C8orf58: variants seen among roughly 807,000 people sequenced by gnomAD.
The protein encoded by C8orf58 is chromosome 8 open reading frame 58.
C8orf58 carries 31 observed loss-of-function variants against 36.8 expected under a neutral mutation model. The ratio of observed to expected loss-of-function variants is 0.84; its 90% CI spans 0.63 to 1.14. The LOEUF is 1.14. Ranked by LOEUF, C8orf58 falls within the 50% of genes most tolerant of loss-of-function variation. C8orf58 has a pLI of 0.00. For missense variants in C8orf58, 538 were observed against 480.8 expected, an observed-to-expected ratio of 1.12 and a Z score of -1.11; for synonymous variants, 230 against 200.2, an observed-to-expected ratio of 1.15 and a Z score of -1.26.
chr8:22,601,337 G>A lies in C8orf58; in HGVS notation c.496G>A (p.Ala166Thr), dbSNP rs754088109. 9 of 1,586,838 alleles carry A rather than the reference G, an allele frequency of 5.7e-6. No homozygotes were observed. The South Asian group carries it at 1.0e-4, about 18-fold the overall frequency. Residue 166 changes from alanine (A) to threonine (T), a missense_variant, in exon 2 of 7, where the codon GCA (alanine) becomes ACA (threonine). Transcript: ENST00000289989. Reference sequence around the variant, plus strand: ...CATGGAGGCAGACACAGACCTAGAGGCAGGCCTGGAAGAAGAGGCGGTGAG... The same window carrying A: ...CATGGAGGCAGACACAGACCTAGAGACAGGCCTGGAAGAAGAGGCGGTGAG... ...ESMEADTDLE[A>T]GLEEEAVGGL...
At position 22,600,965 on chromosome 8, in the gene C8orf58, G is replaced by A. The variant is rs897036841; in HGVS notation, c.124G>A (p.Gly42Arg). 3.1e-6 allele frequency: 5 copies of A among 1,612,564 alleles called. No individual in the cohort carries two copies. The highest frequency in any genetic ancestry group is 2.2e-5 in the South Asian group (2 of 91,072). The part of the protein sequence containing the change: ...TYRRIPDAAH[G>R]CSSWERGDKF... Reference sequence around the variant, plus strand: ...CAGACGGATCCCCGACGCTGCCCACGGGTGCTCATCCTGGGAGAGAGGTGA... The same window carrying A: ...CAGACGGATCCCCGACGCTGCCCACAGGTGCTCATCCTGGGAGAGAGGTGA... Residue 42 changes from glycine to arginine, a missense_variant, in exon 2 of 7, where the codon GGG (glycine) becomes AGG (arginine). Physicochemically the swap from Gly to Arg is moderately radical, Grantham distance 125. Coordinates refer to ENST00000289989, the MANE Select transcript of C8orf58 (RefSeq NM_001013842.3).
At position 22,601,832 on chromosome 8, in the gene C8orf58, C is replaced by T. The variant is rs370351540; in HGVS notation, c.637C>T (p.Arg213Trp). 5.9e-5 allele frequency: 95 copies of T among 1,610,092 alleles called. No homozygotes were observed. Among genetic ancestry groups the T allele is most frequent in the Admixed American group, 1.0e-4 (6 of 59,558 alleles). ...ARLQQLYLQLRIQRPPGDPGE... is the reference protein window; with the variant it reads ...ARLQQLYLQLWIQRPPGDPGE... ...GCTCCAGCAGCTCTACCTGCAGCTG[C>T]GGATCCAGAGGCCCCCAGGGGTGAG... Residue 213 changes from arginine to tryptophan, a missense_variant, in exon 3 of 7, where the codon CGG (arginine) becomes TGG (tryptophan). Transcript: ENST00000289989.
At chr8:22,599,921 G>C in intron 1 of C8orf58, 161 bp downstream of exon 1, 1 of 375,762 alleles carries the variant, frequency 2.7e-6, no homozygotes, top group Non-Finnish European at 4.7e-6. Context: ...TGGAGGGGCG[G>C]TCATCAGGGG....
intron 6 of C8orf58, chr8:22,602,933 A>G: frequency 1.7e-6 from 1 of 588,806 alleles, no homozygotes; most frequent in Non-Finnish European, 3.0e-6. Flanking sequence ...CTCACCCTCA[A>G]TGCTGACATT....
rs1195782244 is a variant in C8orf58 at position 22,601,083 on chromosome 8, C to T, written c.242C>T (p.Ala81Val). ...VEMAVGDSPL[A>V]ALPGLSQDSL... ...ATGGCAGTTGGGGACAGCCCCCTGG[C>T]CGCCTTACCGGGCCTTTCTCAGGAC... is the stretch of plus-strand genomic sequence containing the variant. Residue 81 changes from alanine (A) to valine (V), a missense_variant, in exon 2 of 7, where the codon GCC becomes GTC. Ala to Val is a moderately conservative substitution (Grantham distance 64). Transcript: ENST00000289989. The T allele has an allele frequency of 6.2e-7, 1 of 1,612,668 alleles. No homozygotes were observed. Among genetic ancestry groups the T allele is most frequent in the South Asian group, 1.1e-5 (1 of 91,070 alleles).
Position 22,602,277 on chromosome 8 carries a change from C to G in C8orf58, c.844C>G (p.Pro282Ala), listed in dbSNP as rs1009481489. Residue 282 changes from proline to alanine, a missense_variant, in exon 5 of 7, where the codon CCA becomes GCA. Transcript: ENST00000289989. ...CAGGCTGCCAGAAACCCCAGTGGAG[C>G]CAACGTACCACTTGCCATCCTCCCA... ...PPRLPETPVEPTYHLPSSQGH... is the reference protein window; with the variant it reads ...PPRLPETPVEATYHLPSSQGH... 2.5e-6 allele frequency: 4 copies of G among 1,607,580 alleles called. No homozygotes were observed. The highest frequency in any genetic ancestry group is 2.7e-5 in the African/African-American group (2 of 74,660).
In C8orf58 at chr8:22,603,271, A is replaced by C; in HGVS notation, c.1063A>C (p.Lys355Gln). The change falls in exon 7 of 7, where the codon AAG (lysine) becomes CAG (glutamine). Residue 355 changes from lysine to glutamine, a missense_variant. Coordinates refer to ENST00000289989, the MANE Select transcript of C8orf58 (RefSeq NM_001013842.3). ...RKTFMPSLVV[K>Q]KQRAKNLSVG ...GACCTTTATGCCATCATTAGTGGTT[A>C]AGAAGCAACGAGCAAAAAACCTTTC... 1 of 1,614,000 alleles carries C rather than the reference A, an allele frequency of 6.2e-7. No homozygotes were observed.
In C8orf58 at chr8:22,601,101, C is replaced by A. The variant is rs778663501; in HGVS notation, c.260C>A (p.Ser87Tyr). ...CCCCTGGCCGCCTTACCGGGCCTTT[C>A]TCAGGACTCCCTGGACTTTGAATCC... ...DSPLAALPGL[S>Y]QDSLDFESSG... Residue 87 changes from serine (S) to tyrosine (Y), a missense_variant, in exon 2 of 7, where the codon TCT (serine) becomes TAT (tyrosine). Coordinates refer to ENST00000289989, the MANE Select transcript of C8orf58 (RefSeq NM_001013842.3). The A allele has an allele frequency of 6.2e-7, 1 of 1,612,428 alleles. No homozygotes were observed. The highest frequency in any genetic ancestry group is 1.7e-5 in the Admixed American group (1 of 59,998).
chr8:22,602,644 G>T lies in C8orf58; in HGVS notation c.986+1G>T. 6.5e-7 allele frequency: 1 copy of T among 1,528,630 alleles called. No homozygotes were observed. The highest frequency in any genetic ancestry group is 1.3e-5 in the South Asian group (1 of 79,510). 94.7% of individuals were successfully genotyped at this position (1,528,630 alleles called of 1,614,324 possible). A position where few individuals can be genotyped will look rare whatever the true frequency, so the allele number is the denominator to read the frequency against. On this transcript the variant is annotated splice_donor_variant, in intron 6 of 6. Transcript: ENST00000289989. LOFTEE classifies it high-confidence loss of function. ...CCCCTCCTGATGGCTCTGACCCCAG[G>T]TGAGCCCCGTGCCCAGCCCAGGTTA...
At position 22,599,658 on chromosome 8, in the gene C8orf58, C is replaced by G. The variant is rs978793632; in HGVS notation, c.-63C>G. On this transcript the variant is annotated 5_prime_UTR_variant, in exon 1 of 7. Transcript: ENST00000289989. Reference sequence around the variant, plus strand: ...CGCTCCCTGAGCTGCCCGAGCTCCGCGGGGACTCGGGCCGGGATCCTCGGG... The same window carrying G: ...CGCTCCCTGAGCTGCCCGAGCTCCGGGGGGACTCGGGCCGGGATCCTCGGG... 2.8e-5 allele frequency: 27 copies of G among 961,714 alleles called. No homozygotes were observed. The highest frequency in any genetic ancestry group is 3.8e-4 in the Middle Eastern group (1 of 2,638). 59.6% of individuals were successfully genotyped at this position (961,714 alleles called of 1,614,324 possible).
chr8:22,602,307 C>G lies in C8orf58; in HGVS notation c.874C>G (p.His292Asp). Residue 292 changes from histidine (H) to aspartate (D), a missense_variant, in exon 5 of 7, where the codon CAC (histidine) becomes GAC (aspartate). Coordinates refer to ENST00000289989, the MANE Select transcript of C8orf58 (RefSeq NM_001013842.3). ...GTACCACTTGCCATCCTCCCAGGGACACAAGGTAGGGGACAGGTATATGTG... is the reference window on the plus strand; with the variant it reads ...GTACCACTTGCCATCCTCCCAGGGAGACAAGGTAGGGGACAGGTATATGTG... ...PTYHLPSSQG[H>D]KRDISHWDKV... 6.3e-7 allele frequency: 1 copy of G among 1,583,606 alleles called. No homozygotes were observed. Among genetic ancestry groups the G allele is most frequent in the Non-Finnish European group, 8.6e-7 (1 of 1,167,418 alleles).
chr8:22,602,012 C>T lies in C8orf58; in HGVS notation c.698C>T (p.Ser233Phe), dbSNP rs774648856. The T allele has an allele frequency of 1.3e-6, 2 of 1,572,844 alleles. No individual in the cohort carries two copies. The highest frequency in any genetic ancestry group is 1.2e-5 in the South Asian group (1 of 86,194). Residue 233 changes from serine to phenylalanine, a missense_variant, in exon 4 of 7, where the codon TCC (serine) becomes TTC (phenylalanine). Coordinates refer to ENST00000289989, the MANE Select transcript of C8orf58 (RefSeq NM_001013842.3). ...EEESTRAPLPSPLHTPGNRGQ... is the reference protein window; with the variant it reads ...EEESTRAPLPFPLHTPGNRGQ... ...GAGTCGACCCGAGCCCCTTTACCGT[C>T]CCCGTTACACACCCCAGGCAATCGG...
Position 22,601,019 on chromosome 8 carries a change from C to G in C8orf58, c.178C>G (p.Leu60Val). The G allele has an allele frequency of 6.2e-7, 1 of 1,612,838 alleles. No individual in the cohort carries two copies. Among genetic ancestry groups the G allele is most frequent in the Non-Finnish European group, 8.5e-7 (1 of 1,180,008 alleles). ...DKFRGVGREALFLKLASRDSG... is the reference protein window; with the variant it reads ...DKFRGVGREAVFLKLASRDSG... ...GTTCAGAGGTGTCGGCAGGGAGGCA[C>G]TCTTTCTCAAACTGGCCTCCCGGGA... Residue 60 changes from leucine to valine, a missense_variant, in exon 2 of 7, where the codon CTC becomes GTC. By Grantham distance (32) the Leu-to-Val change is conservative. Coordinates refer to ENST00000289989, the MANE Select transcript of C8orf58 (RefSeq NM_001013842.3).
rs1392767464 is a variant in C8orf58 at position 22,603,973 on chromosome 8, T to C, written c.*667T>C. ...CAAAGCCAGTGCTCAGCTTCTCTGCTCCGTACTAGCGTTTACAGGTCTTAA... is the reference window on the plus strand; with the variant it reads ...CAAAGCCAGTGCTCAGCTTCTCTGCCCCGTACTAGCGTTTACAGGTCTTAA... On this transcript the variant is annotated 3_prime_UTR_variant, in exon 7 of 7. Transcript: ENST00000289989. The C allele has an allele frequency of 6.1e-6, 1 of 165,130 alleles. No individual in the cohort carries two copies. The highest frequency in any genetic ancestry group is 2.4e-5 in the African/African-American group (1 of 41,566). The allele number at this position is 165,130 out of a possible 1,614,324, so 10.2% of individuals were successfully genotyped here.
chr8:22,600,118 T>G, intron 1 of C8orf58: 1 of 191,558 alleles, frequency 5.2e-6, no homozygotes, highest in East Asian at 1.2e-4. Flanking sequence ...GCCCACTTCC[T>G]TGCCCAGAGG....
At position 22,603,348 on chromosome 8, in the gene C8orf58, G is replaced by A. The variant is rs766947375; in HGVS notation, c.*42G>A. 4 of 1,397,054 alleles carry A rather than the reference G, an allele frequency of 2.9e-6. No individual in the cohort carries two copies. The South Asian group carries it at 4.6e-5, about 16-fold the overall frequency. 86.5% of individuals were successfully genotyped at this position (1,397,054 alleles called of 1,614,324 possible). A position where few individuals can be genotyped will look rare whatever the true frequency, so the allele number is the denominator to read the frequency against. On this transcript the variant is annotated 3_prime_UTR_variant, in exon 7 of 7. Coordinates refer to ENST00000289989, the MANE Select transcript of C8orf58 (RefSeq NM_001013842.3). The stretch of plus-strand genomic sequence containing the variant: ...TGGTGACCCTGGGTGGAGGGGACTT[G>A]CTGTGAAGTCTTCCTCGCCCTCTGC...
In C8orf58 at chr8:22,602,314, TA is replaced by T. The variant is rs1800888608; in HGVS notation, c.879+3del. ...TTGCCATCCTCCCAGGGACACAAGG[TA>T]GGGGACAGGTATATGTGGGGCAGGT... On this transcript the variant is annotated splice_donor_region_variant and intron_variant, in intron 5 of 6. Coordinates refer to ENST00000289989, the MANE Select transcript of C8orf58 (RefSeq NM_001013842.3). The T allele has an allele frequency of 1.4e-6, 2 of 1,420,976 alleles. No homozygotes were observed. Among genetic ancestry groups the T allele is most frequent in the Non-Finnish European group, 1.9e-6 (2 of 1,075,134 alleles). The allele number at this position is 1,420,976 out of a possible 1,614,324, so 88.0% of individuals were successfully genotyped here.
chr8:22,601,872 G>A lies in C8orf58; in HGVS notation c.657+20G>A. On this transcript the variant is annotated intron_variant, in intron 3 of 6. Coordinates refer to ENST00000289989, the MANE Select transcript of C8orf58 (RefSeq NM_001013842.3). ...CCAGGGGTGAGTGAGATTCGAGTGG[G>A]GGAGGGAGAGGACAGATGGGACCCT... 1 of 1,592,202 alleles carries A rather than the reference G, an allele frequency of 6.3e-7. No individual in the cohort carries two copies.
chr8:22,600,732 G>A, intron 1 of C8orf58, 150 bp from the exon 2 acceptor site: 1 of 638,032 alleles, frequency 1.6e-6, no homozygotes, highest in Non-Finnish European at 2.7e-6. Context: ...CCAGACAGCT[G>A]GGGCCATATC....
Sources: allele counts gnomAD v4.1 joint callset, GRCh38; gene constraint gnomAD v4.1.1; transcripts MANE v1.5; gene names NCBI Gene and HGNC (gene_info 2026-07-23, HGNC 2026-07-21).